The following PCDHGA9 variants were observed in gnomAD, a reference collection of about 807,000 sequenced individuals.
PCDHGA9 encodes protocadherin gamma subfamily A, 9.
PCDHGA9 carries 37 observed loss-of-function variants against 62.5 expected under a neutral mutation model. That is an observed-to-expected ratio of 0.59 (90% confidence interval 0.46 to 0.78). PCDHGA9 has a LOEUF of 0.78. Among genes scored for constraint, PCDHGA9 ranks in the 30% least tolerant of loss-of-function variants. PCDHGA9 has a pLI of 0.00. For synonymous variants in PCDHGA9, 459 were observed against 484.6 expected (o/e 0.95, Z 0.69); for missense variants, 1,138 against 1,166.2 (o/e 0.98, Z 0.35).
At chr5:141,492,241 C>G (rs1351937353) in intron 1 of PCDHGA9, among the ~76,000 whole-genome samples, 2 of 152,186 alleles carry the variant, frequency 1.3e-5, no homozygotes, top group East Asian at 3.9e-4. Context: ...TGCTGGCCAC[C>G]CCCACGGCCC....
At chr5:141,428,313 C>T in intron 1 of PCDHGA9, 1 of 671,482 alleles carries the variant, frequency 1.5e-6, no homozygotes, top group Non-Finnish European at 2.6e-6. Context: ...TGGTCGTGGC[C>T]TTGGCCTTGA....
In PCDHGA9 at chr5:141,433,056, G is replaced by T. The variant is rs1422450948; in HGVS notation, c.2424+27680G>T. ...TCCCTCACCACGGACTCGCGGAAGA[G>T]TCACCTGATCTTCCCCCAGCCCAAC... On this transcript the variant is annotated intron_variant, in intron 1 of 3. Coordinates refer to ENST00000573521, the MANE Select transcript of PCDHGA9 (RefSeq NM_018921.3). The T allele has an allele frequency of 6.8e-6, 11 of 1,614,086 alleles. No homozygotes were observed. In the South Asian group the frequency reaches 1.1e-4, roughly 16 times the overall value.
chr5:141,407,706 G>C (rs1350991580), intron 1 of PCDHGA9, among the ~76,000 whole-genome samples: 3 of 152,006 alleles, frequency 2.0e-5, no homozygotes, highest in Admixed American at 1.3e-4. Context: ...GTTGAAGGTG[G>C]GGTGATGGCT....
At chr5:141,423,202 G>A (rs771252840) in intron 1 of PCDHGA9, 67 of 1,613,500 alleles carry the variant, frequency 4.2e-5, no homozygotes, top group Non-Finnish European at 5.5e-5. Context: ...CTCGGCCACC[G>A]TCACGCTCAC....
intron 1 of PCDHGA9, 148 bp from the exon 2 acceptor site, chr5:141,494,659 T>C (rs749872848): frequency 2.3e-4 from 343 of 1,488,556 alleles, no homozygotes; most frequent in Non-Finnish European, 2.9e-4. Flanking sequence ...ATTTTGTCTT[T>C]GGAGATGAGT....
Position 141,476,140 on chromosome 5 carries a change from C to G in PCDHGA9, c.2425-18667C>G. On this transcript the variant is annotated intron_variant, in intron 1 of 3. Coordinates refer to ENST00000573521, the MANE Select transcript of PCDHGA9 (RefSeq NM_018921.3). This position sits in a 1 kb window ranked among gnomAD's most constrained non-coding sequence, Gnocchi z 7.6. ...AGATGGTCCCAGAGGCCTGGAGGAGCGGACTGGTAAGCACCGGGAGGGTAG... is the reference window on the plus strand; with the variant it reads ...AGATGGTCCCAGAGGCCTGGAGGAGGGGACTGGTAAGCACCGGGAGGGTAG... The G allele has an allele frequency of 2.5e-6, 4 of 1,609,222 alleles. No individual in the cohort carries two copies. Among genetic ancestry groups the G allele is most frequent in the Non-Finnish European group, 1.7e-6 (2 of 1,178,484 alleles).
Position 141,423,601 on chromosome 5 carries a change from C to T in PCDHGA9, c.2424+18225C>T, listed in dbSNP as rs372165060. On this transcript the variant is annotated intron_variant, in intron 1 of 3. Transcript: ENST00000573521. The stretch of plus-strand genomic sequence containing the variant: ...GGAGAGCTGTGAGAAAAGCGAGCCA[C>T]TCTTGATAGCTGAAGACTCAGCTAT... The T allele has an allele frequency of 1.9e-6, 3 of 1,612,586 alleles. No homozygotes were observed. Among genetic ancestry groups the T allele is most frequent in the Admixed American group, 1.7e-5 (1 of 59,924 alleles).
chr5:141,453,546 C>T lies in PCDHGA9; in HGVS notation c.2425-41261C>T, dbSNP rs116481133. Among the ~76,000 whole-genome samples, 695 of 152,296 alleles carry T rather than the reference C, an allele frequency of 4.6e-3. 4 individuals are homozygous for T. Among genetic ancestry groups the T allele is most frequent in the African/African-American group, 0.015 (634 of 41,558 alleles). On this transcript the variant is annotated intron_variant, in intron 1 of 3. Transcript: ENST00000573521. ...TACCTTCTGCCTCATTCACACCACA[C>T]TCTGTAGATAATCGATTTCATTAGT...
intron 1 of PCDHGA9, chr5:141,423,031 A>G (rs761268652): frequency 1.2e-6 from 2 of 1,614,096 alleles, no homozygotes; most frequent in East Asian, 2.2e-5. Flanking sequence ...TTCAGGCCAG[A>G]ACGCCTGGCT....
chr5:141,428,492 A>C (rs2097142759), intron 1 of PCDHGA9: 1 of 307,660 alleles, frequency 3.3e-6, no homozygotes. Flanking sequence ...TGCAATCTGT[A>C]TGTTCCCTCG....
chr5:141,477,298 T>C lies in PCDHGA9; in HGVS notation c.2425-17509T>C. ...TGGTGACCTGCGAAGTTCCACCGGG[T>C]CTCCCTTTCAGCCTTACTTCTTCCC... On this transcript the variant is annotated intron_variant, in intron 1 of 3. Coordinates refer to ENST00000573521, the MANE Select transcript of PCDHGA9 (RefSeq NM_018921.3). This position sits in a 1 kb window ranked among gnomAD's most constrained non-coding sequence, Gnocchi z 4.9. 1 of 1,613,344 alleles carries C rather than the reference T, an allele frequency of 6.2e-7. No individual in the cohort carries two copies. Among genetic ancestry groups the C allele is most frequent in the Non-Finnish European group, 8.5e-7 (1 of 1,179,870 alleles).
chr5:141,405,001 C>A lies in PCDHGA9; in HGVS notation c.2049C>A (p.Asp683Glu). Residue 683 changes from aspartate to glutamate, a missense_variant, in exon 1 of 4, where the codon GAC becomes GAA. Asp to Glu is a conservative substitution (Grantham distance 45). Transcript: ENST00000573521. ...ADLGSLQIPADLEASDLTLYL... is the reference protein window; with the variant it reads ...ADLGSLQIPAELEASDLTLYL... ...TGGGCAGTCTTCAGATCCCTGCAGA[C>A]CTGGAGGCCTCAGACCTTACCCTCT... 3 of 1,614,008 alleles carry A rather than the reference C, an allele frequency of 1.9e-6. No individual in the cohort carries two copies. The highest frequency in any genetic ancestry group is 2.5e-6 in the Non-Finnish European group (3 of 1,179,890).
At chr5:141,424,016 T>G in intron 1 of PCDHGA9, 16 of 1,038,360 alleles carry the variant, frequency 1.5e-5, no homozygotes, top group Non-Finnish European at 1.3e-5. Context: ...AAATTAATGA[T>G]TCACAAACAC....
Position 141,491,657 on chromosome 5 carries a change from A to T in PCDHGA9, c.2425-3150A>T. 1.2e-6 allele frequency: 2 copies of T among 1,613,740 alleles called. No homozygotes were observed. Among genetic ancestry groups the T allele is most frequent in the Non-Finnish European group, 1.7e-6 (2 of 1,180,006 alleles). On this transcript the variant is annotated intron_variant, in intron 1 of 3. Transcript: ENST00000573521. The surrounding 1 kb of genome is among the most constrained non-coding windows in gnomAD (Gnocchi z 6.9). ...CCCACAGCTCTGGCGCTGGAGCCTG[A>T]CGCCATCCGGTCCCGCTCTAATACG...
At chr5:141,434,920 A>G (rs927245955) in intron 1 of PCDHGA9, among the ~76,000 whole-genome samples, 3 of 151,796 alleles carry the variant, frequency 2.0e-5, no homozygotes, top group East Asian at 1.9e-4. Flanking sequence ...ATTTATGTAC[A>G]TATATTTTAT....
At position 141,432,297 on chromosome 5, in the gene PCDHGA9, T is replaced by C. The variant is rs1339659774; in HGVS notation, c.2424+26921T>C. 3.1e-6 allele frequency: 5 copies of C among 1,614,040 alleles called. No individual in the cohort carries two copies. The highest frequency in any genetic ancestry group is 1.7e-5 in the Admixed American group (1 of 60,006). ...GTGTCCATCAACTCCGACACTGGGG[T>C]ACTGTATGCGCTGAGCTCCTTCGAC... On this transcript the variant is annotated intron_variant, in intron 1 of 3. Transcript: ENST00000573521. This position sits in a 1 kb window ranked among gnomAD's most constrained non-coding sequence, Gnocchi z 6.0.
At position 141,431,595 on chromosome 5, in the gene PCDHGA9, A is replaced by G; in HGVS notation, c.2424+26219A>G. The G allele has an allele frequency of 6.2e-7, 1 of 1,614,218 alleles. No homozygotes were observed. The highest frequency in any genetic ancestry group is 8.5e-7 in the Non-Finnish European group (1 of 1,180,034). On this transcript the variant is annotated intron_variant, in intron 1 of 3. Transcript: ENST00000573521. The surrounding 1 kb of genome is among the most constrained non-coding windows in gnomAD (Gnocchi z 4.8). Reference sequence around the variant, plus strand: ...GAAGGAGTCAATGCGGAAGTGAGGTATTCCTTCCGGTATGTGGACGACAAG... The same window carrying G: ...GAAGGAGTCAATGCGGAAGTGAGGTGTTCCTTCCGGTATGTGGACGACAAG...
At chr5:141,439,432 A>C (rs537630916) in intron 1 of PCDHGA9, among the ~76,000 whole-genome samples, 1 of 152,326 alleles carries the variant, frequency 6.6e-6, no homozygotes, top group African/African-American at 2.4e-5. Flanking sequence ...AATTCCCAGG[A>C]ATATTTTATT....
At chr5:141,409,423 T>C in intron 1 of PCDHGA9, 1 of 1,614,026 alleles carries the variant, frequency 6.2e-7, no homozygotes. Flanking sequence ...TGGTGACAGA[T>C]GGAGCCCTGG....
Sources: gnomAD v4.1 joint callset for allele counts (sites outside exome capture counted in the v4.1 genomes callset) on GRCh38, gnomAD v4.1.1 for gene constraint, Gnocchi (gnomAD v3.1) non-coding constraint, MANE v1.5 for transcripts, NCBI Gene and HGNC (gene_info 2026-07-23, HGNC 2026-07-21) for gene names.